Variants in VAC14 observed in about 807,000 individuals in gnomAD.
The protein encoded by VAC14 is VAC14 component of PIKFYVE complex.
A neutral mutation model predicts 85.3 loss-of-function variants in VAC14; 47 were observed. That is an observed-to-expected ratio of 0.55 (90% CI 0.44 to 0.70). The LOEUF (loss-of-function observed/expected upper bound fraction) is 0.70, where lower values mean the gene tolerates loss of function less well. Among genes scored for constraint, VAC14 ranks in the 30% least tolerant of loss-of-function variants. The pLI is 0.00. For synonymous variants in VAC14, 447 were observed against 430.5 expected, an observed-to-expected ratio of 1.04 and a Z score of -0.47; for missense variants, 861 against 1,004.3, an observed-to-expected ratio of 0.86 and a Z score of 1.93.
At position 70,724,573 on chromosome 16, in the gene VAC14, G is replaced by A. The variant is rs147500350; in HGVS notation, c.1661+6922C>T. ...CCTCTTGGGCCTCCTGGGTCCCCCT[G>A]CCATTCCCATTGCGAAGGGGTCTCT... is the stretch of plus-strand genomic sequence containing the variant. On this transcript the variant is annotated intron_variant, in intron 14 of 18. Transcript: ENST00000261776. Among the ~76,000 whole-genome samples, 588 of 152,302 alleles carry A rather than the reference G, an allele frequency of 3.9e-3. 1 individual carries two copies. The highest frequency in any genetic ancestry group is 0.014 in the African/African-American group (566 of 41,558).
chr16:70,784,116 G>A lies in VAC14; in HGVS notation c.591C>T (p.Ser197=), dbSNP rs1397093031. Residue 197 remains serine, a synonymous_variant, in exon 5 of 19, where the codon TCC becomes TCT. Transcript: ENST00000261776. ...NNQYARQFII[S]WILVLESVPD... ...ACGGTGTCCGGCCAGGCCTTACCCAGGAGATGATGAACTGCCGGGCATACT... is the reference window on the plus strand; with the variant it reads ...ACGGTGTCCGGCCAGGCCTTACCCAAGAGATGATGAACTGCCGGGCATACT... 2 of 1,613,892 alleles carry A rather than the reference G, an allele frequency of 1.2e-6. No individual in the cohort carries two copies. The highest frequency in any genetic ancestry group is 1.7e-5 in the Admixed American group (1 of 60,006).
chr16:70,706,659 T>C (rs976216267), intron 14 of VAC14, among the ~76,000 whole-genome samples: 5 of 152,334 alleles, frequency 3.3e-5, no homozygotes, highest in East Asian at 1.9e-4. Context: ...TGTGCCACGA[T>C]ACTAGGCACA....
chr16:70,748,315 C>G (rs2031085029), intron 12 of VAC14, among the ~76,000 whole-genome samples: 1 of 152,168 alleles, frequency 6.6e-6, no homozygotes, highest in Non-Finnish European at 1.5e-5. Flanking sequence ...ACAGGTCAGG[C>G]TCTGCCTTCA....
intron 12 of VAC14, among the ~76,000 whole-genome samples, chr16:70,760,799 T>G (rs568576595): frequency 6.6e-6 from 1 of 152,228 alleles, no homozygotes; most frequent in Admixed American, 6.5e-5. Flanking sequence ...CTCAGCTGCT[T>G]CCAGTGAAGT....
At chr16:70,799,086 CAAT>C (rs1273921612) in intron 1 of VAC14, among the ~76,000 whole-genome samples, 1 of 152,136 alleles carries the variant, frequency 6.6e-6, no homozygotes, top group African/African-American at 2.4e-5. Context: ...CTGGAAGCAA[CAAT>C]AATGTTGAGA....
At chr16:70,747,888 T>C (rs1045077755) in intron 12 of VAC14, 2 of 151,934 alleles carry the variant, frequency 1.3e-5, no homozygotes, top group Admixed American at 6.5e-5. Context: ...ATCCGGCAGG[T>C]ACCTACTTCC....
chr16:70,734,867 G>A (rs898945382), intron 13 of VAC14, among the ~76,000 whole-genome samples: 1 of 152,154 alleles, frequency 6.6e-6, no homozygotes. Context: ...CTGTGAATTT[G>A]GGTAAGGATT....
intron 13 of VAC14, among the ~76,000 whole-genome samples, chr16:70,740,050 T>C (rs1483891689): frequency 6.7e-6 from 1 of 149,968 alleles, no homozygotes; most frequent in Non-Finnish European, 1.5e-5. Flanking sequence ...AACCTCCACC[T>C]GCTGGGTTCA....
At chr16:70,695,483 C>G in intron 17 of VAC14, 61 bp downstream of exon 17, 1 of 1,557,870 alleles carries the variant, frequency 6.4e-7, no homozygotes, top group South Asian at 1.1e-5. Context: ...TGACTTCACC[C>G]ACCCCACTCC....
At chr16:70,737,026 C>A (rs2054778032) in intron 13 of VAC14, among the ~76,000 whole-genome samples, 1 of 152,126 alleles carries the variant, frequency 6.6e-6, no homozygotes, top group Admixed American at 6.5e-5. Flanking sequence ...TCTGAGCTGC[C>A]CTTTGGCTTG....
At chr16:70,796,177 G>A (rs2034537618) in intron 1 of VAC14, among the ~76,000 whole-genome samples, 1 of 152,198 alleles carries the variant, frequency 6.6e-6, no homozygotes, top group African/African-American at 2.4e-5. Context: ...CCAGAACTTT[G>A]TACAACTGGA....
intron 13 of VAC14, among the ~76,000 whole-genome samples, chr16:70,733,377 G>A (rs2054651719): frequency 6.6e-6 from 1 of 151,144 alleles, no homozygotes; most frequent in South Asian, 2.1e-4. Flanking sequence ...TATTTTGTTT[G>A]TCCATTCATC....
intron 1 of VAC14, among the ~76,000 whole-genome samples, chr16:70,798,832 G>A (rs774315513): frequency 6.6e-6 from 1 of 152,158 alleles, no homozygotes; most frequent in Non-Finnish European, 1.5e-5. Context: ...TTTCCCCACC[G>A]AAAATGTACG....
intron 12 of VAC14, among the ~76,000 whole-genome samples, chr16:70,749,607 AG>A (rs1250734288): frequency 3.9e-5 from 6 of 152,230 alleles, no homozygotes; most frequent in African/African-American, 1.4e-4. Context: ...CTTTAAATAA[AG>A]CAGGACCCCG....
intron 12 of VAC14, chr16:70,747,596 ACT>A (rs2031015860): frequency 6.6e-6 from 1 of 151,532 alleles, no homozygotes; most frequent in African/African-American, 2.4e-5. Flanking sequence ...GGTCTCACCC[ACT>A]CCCTGGTGTC....
chr16:70,762,454 G>T lies in VAC14; in HGVS notation c.1371+86C>A. On this transcript the variant is annotated intron_variant, in intron 12 of 18. Transcript: ENST00000261776. This position sits in a 1 kb window ranked among gnomAD's most constrained non-coding sequence, Gnocchi z 4.1. Reference sequence around the variant, plus strand: ...GCTTTACCTCTAGGAAGGATGCACTGTACCAAAATAAGCATATCTCAGTCA... The same window carrying T: ...GCTTTACCTCTAGGAAGGATGCACTTTACCAAAATAAGCATATCTCAGTCA... 7.4e-7 allele frequency: 1 copy of T among 1,349,282 alleles called. No individual in the cohort carries two copies. Among genetic ancestry groups the T allele is most frequent in the Non-Finnish European group, 1.1e-6 (1 of 952,266 alleles). 83.6% of individuals were successfully genotyped at this position (1,349,282 alleles called of 1,614,324 possible). A position where few individuals can be genotyped will look rare whatever the true frequency, so the allele number is the denominator to read the frequency against.
At chr16:70,780,714 C>T (rs1598001722) in intron 9 of VAC14, 76 bp downstream of exon 9, 3 of 1,502,842 alleles carry the variant, frequency 2.0e-6, no homozygotes, top group East Asian at 4.6e-5. Context: ...TAAGTGAGGC[C>T]CCAAGGCAAC....
chr16:70,704,699 G>A lies in VAC14; in HGVS notation c.1662-5888C>T, dbSNP rs535717302. On this transcript the variant is annotated intron_variant, in intron 14 of 18. Coordinates refer to ENST00000261776, the MANE Select transcript of VAC14 (RefSeq NM_018052.5). ...TCATCGTGGGAGCCTGGGGAGGGCA[G>A]AGCCTGGCACGTTAGAGGCTAGGGA... Among the ~76,000 whole-genome samples, 516 of 152,354 alleles carry A rather than the reference G, an allele frequency of 3.4e-3. 2 individuals are homozygous for A. Among genetic ancestry groups the A allele is most frequent in the African/African-American group, 0.01 (425 of 41,586 alleles).
chr16:70,712,048 G>T (rs1040867760), intron 14 of VAC14, among the ~76,000 whole-genome samples: 1 of 152,166 alleles, frequency 6.6e-6, no homozygotes, highest in Non-Finnish European at 1.5e-5. Flanking sequence ...CCAAATGGAA[G>T]GGGAGGGGTT....
Sources: allele counts gnomAD v4.1 joint callset (sites outside exome capture counted in the v4.1 genomes callset), GRCh38; gene constraint gnomAD v4.1.1; non-coding constraint Gnocchi (gnomAD v3.1); transcripts MANE v1.5; gene names NCBI Gene and HGNC (gene_info 2026-07-23, HGNC 2026-07-21).